CDK19: variants seen among roughly 807,000 people sequenced by gnomAD.
CDK19 encodes cyclin-dependent kinase 19.
Under a neutral mutation model 68.3 loss-of-function variants are expected in CDK19, and 20 were observed. The ratio of observed to expected loss-of-function variants is 0.29; its 90% confidence interval spans 0.21 to 0.43. CDK19 has a LOEUF of 0.43. CDK19 is among the 20% of genes least tolerant of loss of function. The pLI is 1.00. For missense variants in CDK19, 339 were observed against 623.5 expected (o/e 0.54, Z 4.86); for synonymous variants, 221 against 222.8 (o/e 0.99, Z 0.07).
At chr6:110,717,137 TAATA>T (rs2114720808) in intron 2 of CDK19, among the ~76,000 whole-genome samples, 1 of 152,064 alleles carries the variant, frequency 6.6e-6, no homozygotes, top group African/African-American at 2.4e-5. Flanking sequence ...CAAAAATAAA[TAATA>T]AATAAATGAA....
In CDK19 at chr6:110,795,949, C is replaced by T. The variant is rs1007375464; in HGVS notation, c.128+19060G>A. On this transcript the variant is annotated intron_variant, in intron 1 of 12. Transcript: ENST00000368911. ...TTAGTAATTTGTTCACAGGACCCTA[C>T]GGCAAAGGAAATACCTAATGATTCC... is the stretch of plus-strand genomic sequence containing the variant. Among the ~76,000 whole-genome samples, 9 of 152,138 alleles carry T rather than the reference C, an allele frequency of 5.9e-5. 1 individual carries two copies. In the South Asian group the frequency reaches 6.2e-4, roughly 10 times the overall value.
At chr6:110,691,960 TA>T (rs869216171) in intron 2 of CDK19, among the ~76,000 whole-genome samples, 23 of 146,290 alleles carry the variant, frequency 1.6e-4, no homozygotes, top group Admixed American at 2.0e-4. Context: ...ATCTCTATTT[TA>T]AAAAAAAAAG....
At chr6:110,673,013 A>T (rs2114461405) in intron 2 of CDK19, among the ~76,000 whole-genome samples, 2 of 152,220 alleles carry the variant, frequency 1.3e-5, no homozygotes, top group South Asian at 4.1e-4. Context: ...GTTCAATGGG[A>T]TTAAGTACAA....
intron 1 of CDK19, among the ~76,000 whole-genome samples, chr6:110,764,673 G>A (rs903515369): frequency 2.6e-5 from 4 of 152,158 alleles, no homozygotes; most frequent in African/African-American, 7.2e-5. Flanking sequence ...AGAGAAGGCC[G>A]GACACGGTGG....
At position 110,660,681 on chromosome 6, in the gene CDK19, G is replaced by A. The variant is rs377116796; in HGVS notation, c.456+6753C>T. Among the ~76,000 whole-genome samples, 40 of 152,304 alleles carry A rather than the reference G, an allele frequency of 2.6e-4. No individual in the cohort carries two copies. The East Asian group carries it at 7.5e-3, about 29-fold the overall frequency. On this transcript the variant is annotated intron_variant, in intron 4 of 12. Transcript: ENST00000368911. ...ATCTCCAACTAGACTCTTCTCCAAA[G>A]CTACACCATCAAGCTGTCCTTCTGA...
intron 2 of CDK19, among the ~76,000 whole-genome samples, chr6:110,727,020 T>C (rs1280836348): frequency 6.6e-6 from 1 of 152,230 alleles, no homozygotes; most frequent in East Asian, 1.9e-4. Context: ...ATAATATTTA[T>C]AGTTTTATTA....
At chr6:110,719,006 G>A (rs555157727) in intron 2 of CDK19, among the ~76,000 whole-genome samples, 172 of 152,210 alleles carry the variant, frequency 1.1e-3, no homozygotes, top group Non-Finnish European at 1.7e-3. Context: ...GGGAGGACTC[G>A]AATATTTAAG....
intron 2 of CDK19, among the ~76,000 whole-genome samples, chr6:110,734,229 C>G (rs1777000407): frequency 6.6e-6 from 1 of 152,066 alleles, no homozygotes; most frequent in African/African-American, 2.4e-5. Context: ...AGGCTGGTCT[C>G]CAACTCCTGA....
In CDK19 at chr6:110,613,397, A is replaced by G. The variant is rs2114542433; in HGVS notation, c.*1138T>C. On this transcript the variant is annotated 3_prime_UTR_variant, in exon 13 of 13. Transcript: ENST00000368911. The stretch of plus-strand genomic sequence containing the variant: ...CATAATACATACTTTAAACATGAAT[A>G]AAACCTAAATTTTTAACATGCTTTA... The G allele has an allele frequency of 6.5e-6, 1 of 152,810 alleles. No individual in the cohort carries two copies. The highest frequency in any genetic ancestry group is 2.4e-5 in the African/African-American group (1 of 41,592). 9.5% of individuals were successfully genotyped at this position (152,810 alleles called of 1,614,324 possible). A position where few individuals can be genotyped will look rare whatever the true frequency, so the allele number is the denominator to read the frequency against.
intron 1 of CDK19, among the ~76,000 whole-genome samples, chr6:110,753,876 T>C (rs17071996): frequency 0.16 from 23,754 of 152,054 alleles, 2,065 homozygotes; most frequent in East Asian, 0.32. Flanking sequence ...AATTAGGATA[T>C]GTTGATAATA....
intron 6 of CDK19, among the ~76,000 whole-genome samples, chr6:110,629,999 T>TAA (rs879720713): frequency 4.6e-5 from 7 of 151,898 alleles, no homozygotes; most frequent in Admixed American, 6.6e-5. Flanking sequence ...TTCATTTATT[T>TAA]AAAAAAAAGC....
intron 2 of CDK19, among the ~76,000 whole-genome samples, chr6:110,711,462 C>T (rs1347489042): frequency 1.3e-5 from 2 of 152,066 alleles, no homozygotes; most frequent in Non-Finnish European, 1.5e-5. Context: ...TTACATACAA[C>T]AGTTTTAAAA....
At chr6:110,759,404 TAAAAAAA>T (rs1157889434) in intron 1 of CDK19, among the ~76,000 whole-genome samples, 16 of 57,216 alleles carry the variant, frequency 2.8e-4, no homozygotes, top group African/African-American at 9.2e-4. Flanking sequence ...GACTCCGTCT[TAAAAAAA>T]AAAAAAAAAA....
At chr6:110,766,162 G>T (rs983726766) in intron 1 of CDK19, among the ~76,000 whole-genome samples, 1 of 152,168 alleles carries the variant, frequency 6.6e-6, no homozygotes, top group Non-Finnish European at 1.5e-5. Context: ...GTTTATTGCA[G>T]CACTATTCAC....
chr6:110,617,668 C>T (rs940820344), intron 12 of CDK19, among the ~76,000 whole-genome samples: 1,794 of 87,218 alleles, frequency 0.021, 21 homozygotes, highest in African/African-American at 0.061. Context: ...TATATACACA[C>T]ACACACACAC....
At chr6:110,689,010 G>A (rs1292801546) in intron 2 of CDK19, among the ~76,000 whole-genome samples, 1 of 152,126 alleles carries the variant, frequency 6.6e-6, no homozygotes, top group African/African-American at 2.4e-5. Context: ...TATACCCTGG[G>A]GCAGTTTTGA....
At chr6:110,632,668 C>A (rs1281747147) in intron 5 of CDK19, among the ~76,000 whole-genome samples, 1 of 151,398 alleles carries the variant, frequency 6.6e-6, no homozygotes, top group Non-Finnish European at 1.5e-5. Flanking sequence ...GAGGCGGAGG[C>A]TGCAGTGAGC....
chr6:110,777,984 G>A (rs910601576), intron 1 of CDK19, among the ~76,000 whole-genome samples: 1 of 152,158 alleles, frequency 6.6e-6, no homozygotes, highest in Non-Finnish European at 1.5e-5. Flanking sequence ...GGGGGAAGGG[G>A]AGAATGGGCA....
intron 1 of CDK19, among the ~76,000 whole-genome samples, chr6:110,802,388 G>C (rs1782401766): frequency 6.6e-6 from 1 of 151,916 alleles, no homozygotes; most frequent in Non-Finnish European, 1.5e-5. Context: ...ACATGGGTTG[G>C]GCTGGAGGCC....
Sources: gnomAD v4.1 joint callset for allele counts (sites outside exome capture counted in the v4.1 genomes callset) on GRCh38, gnomAD v4.1.1 for gene constraint, MANE v1.5 for transcripts, NCBI Gene and HGNC (gene_info 2026-07-23, HGNC 2026-07-21) for gene names.